Variants in ERBB4 observed in about 807,000 individuals in gnomAD.
The protein encoded by ERBB4 is erb-b2 receptor tyrosine kinase 4, also known as receptor tyrosine-protein kinase erbB-4.
A neutral mutation model predicts 158.0 loss-of-function variants in ERBB4; 42 were observed. The ratio of observed to expected loss-of-function variants is 0.27; its 90% confidence interval spans 0.21 to 0.34. The LOEUF is 0.34. ERBB4 is among the 10% of genes least tolerant of loss of function. The pLI is 1.00. For missense variants in ERBB4, 1,333 were observed against 1,624.1 expected (o/e 0.82, Z 3.08); for synonymous variants, 583 against 558.7 (o/e 1.04, Z -0.61).
At chr2:212,151,922 C>T (rs908440784) in intron 1 of ERBB4, among the ~76,000 whole-genome samples, 13 of 152,270 alleles carry the variant, frequency 8.5e-5, no homozygotes, top group Middle Eastern at 3.4e-3. Context: ...TTTCACATTT[C>T]ATAAGAATAC....
Position 212,350,465 on chromosome 2 carries a change from T to C in ERBB4, c.82+187984A>G, listed in dbSNP as rs79793834. ...TCTTTAATACTAACATGGAAAGATA[T>C]AGCAACTATTCTAGAAAGTTCTGCG... On this transcript the variant is annotated intron_variant, in intron 1 of 27. Coordinates refer to ENST00000342788, the MANE Select transcript of ERBB4 (RefSeq NM_005235.3). Among the ~76,000 whole-genome samples, 1,370 of 152,250 alleles carry C rather than the reference T, an allele frequency of 9.0e-3. 15 individuals are homozygous for C. The highest frequency in any genetic ancestry group is 0.031 in the African/African-American group (1,278 of 41,562).
At chr2:212,516,141 CACAT>C (rs1560531338) in intron 1 of ERBB4, among the ~76,000 whole-genome samples, 1 of 152,028 alleles carries the variant, frequency 6.6e-6, no homozygotes, top group South Asian at 2.1e-4. Flanking sequence ...CACACACAGA[CACAT>C]ACACTCATGT....
chr2:211,486,649 T>A (rs1479184180), intron 20 of ERBB4, among the ~76,000 whole-genome samples: 4 of 152,100 alleles, frequency 2.6e-5, no homozygotes, highest in Non-Finnish European at 5.9e-5. Flanking sequence ...AATCTCATCT[T>A]TATTATTTAC....
chr2:212,129,816 T>C (rs1575675568), intron 1 of ERBB4, among the ~76,000 whole-genome samples: 1 of 152,254 alleles, frequency 6.6e-6, no homozygotes, highest in East Asian at 1.9e-4. Flanking sequence ...CAGTTTTTTT[T>C]ACTACATGCT....
At chr2:211,503,212 G>C (rs1229528191) in intron 20 of ERBB4, among the ~76,000 whole-genome samples, 1 of 152,096 alleles carries the variant, frequency 6.6e-6, no homozygotes, top group Admixed American at 6.5e-5. Flanking sequence ...GACCCCAAAA[G>C]GCTTCAGTGA....
chr2:212,380,456 C>CTGTGTG (rs6147158), intron 1 of ERBB4, among the ~76,000 whole-genome samples: 5,474 of 143,062 alleles, frequency 0.038, 149 homozygotes, highest in Admixed American at 0.06. Flanking sequence ...AGGAATGACT[C>CTGTGTG]TGTGTGTGTG....
At chr2:212,148,443 A>G (rs2080756028) in intron 1 of ERBB4, among the ~76,000 whole-genome samples, 1 of 152,204 alleles carries the variant, frequency 6.6e-6, no homozygotes, top group Non-Finnish European at 1.5e-5. Flanking sequence ...AGAAAAACAT[A>G]TAGGATGGCA....
intron 20 of ERBB4, among the ~76,000 whole-genome samples, chr2:211,473,174 C>T (rs1050867861): frequency 3.3e-5 from 5 of 151,644 alleles, no homozygotes. Context: ...AGTTTACACA[C>T]AAATAGAGGT....
chr2:212,451,582 C>T (rs188425515), intron 1 of ERBB4, among the ~76,000 whole-genome samples: 62 of 152,236 alleles, frequency 4.1e-4, no homozygotes, highest in Non-Finnish European at 6.3e-4. Context: ...TAAATTTTAA[C>T]TTAGTATTAA....
chr2:212,025,869 A>T (rs1183375073), intron 2 of ERBB4, among the ~76,000 whole-genome samples: 1 of 151,716 alleles, frequency 6.6e-6, no homozygotes. Flanking sequence ...GAAAATAAAG[A>T]ACTTTATTTT....
At chr2:211,666,777 C>G (rs1258832987) in intron 14 of ERBB4, among the ~76,000 whole-genome samples, 1 of 152,108 alleles carries the variant, frequency 6.6e-6, no homozygotes, top group African/African-American at 2.4e-5. Context: ...CCATTTCTCC[C>G]TAAAATCTGG....
At chr2:212,406,331 A>G (rs2091343486) in intron 1 of ERBB4, among the ~76,000 whole-genome samples, 1 of 152,134 alleles carries the variant, frequency 6.6e-6, no homozygotes. Flanking sequence ...TTGAGAGTCT[A>G]AAGGAGACTA....
At chr2:212,055,374 G>A (rs562058386) in intron 2 of ERBB4, among the ~76,000 whole-genome samples, 1 of 152,174 alleles carries the variant, frequency 6.6e-6, no homozygotes, top group Non-Finnish European at 1.5e-5. Context: ...TCTGGGGGCA[G>A]GGCATAGCCA....
intron 13 of ERBB4, among the ~76,000 whole-genome samples, chr2:211,678,005 C>CAT (rs1211178300): frequency 1.3e-5 from 2 of 151,982 alleles, no homozygotes; most frequent in African/African-American, 4.8e-5. Flanking sequence ...AAGAATGATG[C>CAT]ATCAAATAGT....
chr2:211,712,155 C>G lies in ERBB4; in HGVS notation c.1019G>C (p.Gly340Ala), dbSNP rs2106081337. 1.2e-6 allele frequency: 2 copies of G among 1,613,388 alleles called. No homozygotes were observed. Among genetic ancestry groups the G allele is most frequent in the Non-Finnish European group, 1.7e-6 (2 of 1,179,464 alleles). Residue 340 changes from glycine (G) to alanine (A), a missense_variant, in exon 9 of 28, where the codon GGA becomes GCA. Gly to Ala is a moderately conservative substitution (Grantham distance 60). Around this residue, in one of 5 missense-constraint regions of ERBB4, gnomAD observed 438 missense variants for 586.9 expected, o/e 0.75. Transcript: ENST00000342788. Reference sequence around the variant, plus strand: ...CACAGTCTGAGCTGACATCAATGATCCTGTGCCAATGCCATCACAAGCTGT... The same window carrying G: ...CACAGTCTGAGCTGACATCAATGATGCTGTGCCAATGCCATCACAAGCTGT... ...CPKACDGIGT[G>A]SLMSAQTVDS...
intron 1 of ERBB4, among the ~76,000 whole-genome samples, chr2:212,178,757 G>T (rs10184500): frequency 0.04 from 6,030 of 151,488 alleles, 398 homozygotes; most frequent in African/African-American, 0.14. Context: ...ATAAGAGCAG[G>T]TAATTTATAT....
chr2:211,921,967 C>A (rs570733715), intron 3 of ERBB4, among the ~76,000 whole-genome samples: 4 of 152,196 alleles, frequency 2.6e-5, no homozygotes, highest in Admixed American at 6.5e-5. Context: ...TTATTTCCAG[C>A]AGCATGAGGG....
At chr2:212,432,783 T>C (rs2092057117) in intron 1 of ERBB4, among the ~76,000 whole-genome samples, 1 of 152,162 alleles carries the variant, frequency 6.6e-6, no homozygotes, top group Non-Finnish European at 1.5e-5. Context: ...GAACGACTTC[T>C]GAGAGACAAT....
At chr2:212,140,527 T>C (rs2080426995) in intron 1 of ERBB4, among the ~76,000 whole-genome samples, 1 of 149,812 alleles carries the variant, frequency 6.7e-6, no homozygotes, top group South Asian at 2.1e-4. Context: ...AAAAATGTTT[T>C]TTTTTTAATT....
Sources: gnomAD v4.1 joint callset for allele counts (sites outside exome capture counted in the v4.1 genomes callset) on GRCh38, gnomAD v4.1.1 for gene constraint, gnomAD v4.1.1 regional missense constraint, MANE v1.5 for transcripts, NCBI Gene and HGNC (gene_info 2026-07-23, HGNC 2026-07-21) for gene names.